Variants in PLEC observed in about 807,000 individuals in gnomAD.
PLEC encodes plectin.
Under a neutral mutation model 392.8 loss-of-function variants are expected in PLEC, and 216 were observed. That is an observed-to-expected ratio of 0.55 (90% CI 0.49 to 0.62). PLEC has a LOEUF of 0.62. PLEC is among the 20% of genes least tolerant of loss of function. PLEC has a pLI of 0.00. For missense variants in PLEC, 6,863 were observed against 6,563.4 expected, an observed-to-expected ratio of 1.05 and a Z score of -1.58; for synonymous variants, 3,621 against 2,980.6, an observed-to-expected ratio of 1.21 and a Z score of -7.00.
At chr8:143,953,034 C>A (rs1206574672), upstream of PLEC, among the ~76,000 whole-genome samples, 2 of 144,242 alleles carry the variant, frequency 1.4e-5, no homozygotes, top group Non-Finnish European at 3.0e-5. Context: ...AGCACACACC[C>A]CCCCCGAAGC....
rs782781870 is a variant in PLEC, at chr8:143,934,656, C to G, written c.1020G>C (p.Lys340Asn). ...TCACCTCCAGGGATTGGTAGATGCC[C>G]TTGGACCTGTTCTTGTCGGCCTCCT... is the stretch of plus-strand genomic sequence containing the variant. ...PAKEADKNRS[K>N]GIYQSLEGAV... Residue 340 changes from lysine to asparagine, a missense_variant, in exon 10 of 32, where the codon AAG becomes AAC. Coordinates refer to ENST00000345136, the MANE Select transcript of PLEC (RefSeq NM_201384.3). 20 of 1,613,166 alleles carry G rather than the reference C, an allele frequency of 1.2e-5. No homozygotes were observed. Among genetic ancestry groups the G allele is most frequent in the Non-Finnish European group, 1.4e-5 (16 of 1,179,966 alleles).
intron 1 of PLEC, among the ~76,000 whole-genome samples, chr8:143,946,899 C>G (rs1318697825): frequency 3.3e-5 from 5 of 152,052 alleles, no homozygotes; most frequent in African/African-American, 1.2e-4. Context: ...CTTCCTCCAC[C>G]TGAGTCCTCC....
At chr8:143,963,405 T>A (rs11783655) in intron 1 of PLEC, among the ~76,000 whole-genome samples, 45,862 of 152,190 alleles carry the variant, frequency 0.3, 8,126 homozygotes, top group Non-Finnish European at 0.4. Context: ...TTCACGGGCC[T>A]TGAAACCCCA....
chr8:143,930,251 C>A lies in PLEC; in HGVS notation c.2505G>T (p.Gln835His). The A allele has an allele frequency of 6.3e-7, 1 of 1,599,972 alleles. No homozygotes were observed. The change falls in exon 21 of 32, where the codon CAG (glutamine) becomes CAT (histidine). Residue 835 changes from glutamine (Q) to histidine (H), a missense_variant. Transcript: ENST00000345136. ...GDECQLVGPA[Q>H]PSHWKVLSSS... ...TGCTGAGCACCTTCCAGTGGGACGG[C>A]TGTGCAGGGCCCACCAGCTGGCACT... is the stretch of plus-strand genomic sequence containing the variant.
rs782574559 is a variant in PLEC at position 143,916,958 on chromosome 8, G to A, written c.12863C>T (p.Thr4288Met). Residue 4288 changes from threonine to methionine, a missense_variant, in exon 32 of 32, where the codon ACG becomes ATG. By Grantham distance (81) the Thr-to-Met change is moderately conservative. Coordinates refer to ENST00000345136, the MANE Select transcript of PLEC (RefSeq NM_201384.3). The part of the protein sequence containing the change: ...GPVAGILDTE[T>M]LEKVSITEAM... Reference sequence around the variant, plus strand: ...CTCGGTGATGGACACCTTCTCCAGCGTCTCCGTGTCCAGGATGCCAGCCAC... The same window carrying A: ...CTCGGTGATGGACACCTTCTCCAGCATCTCCGTGTCCAGGATGCCAGCCAC... 1.3e-4 allele frequency: 216 copies of A among 1,612,856 alleles called. No homozygotes were observed. The highest frequency in any genetic ancestry group is 1.7e-4 in the Non-Finnish European group (197 of 1,180,000).
Position 143,921,574 on chromosome 8 carries a change from G to C in PLEC, c.8247C>G (p.Thr2749=). The C allele has an allele frequency of 1.2e-6, 2 of 1,612,324 alleles. No homozygotes were observed. The highest frequency in any genetic ancestry group is 1.7e-4 in the Middle Eastern group (1 of 6,060). The change falls in exon 32 of 32, where the codon ACC becomes ACG. Residue 2749 remains threonine (T), a synonymous_variant. Coordinates refer to ENST00000345136, the MANE Select transcript of PLEC (RefSeq NM_201384.3). ...CACCCTCCTTCACAGCCTCGTTGACGGTCAGCCGCCGGTTCCGCACAGGGT... is the reference window on the plus strand; with the variant it reads ...CACCCTCCTTCACAGCCTCGTTGACCGTCAGCCGCCGGTTCCGCACAGGGT... ...LLDPVRNRRL[T]VNEAVKEGVV...
chr8:143,931,866 T>G, intron 18 of PLEC, 71 bp downstream of exon 18: 1 of 1,457,654 alleles, frequency 6.9e-7, no homozygotes, highest in South Asian at 1.2e-5. Flanking sequence ...TGATTGGAGC[T>G]GCCGAGGGGG....
chr8:143,918,128 A>G lies in PLEC; in HGVS notation c.11693T>C (p.Val3898Ala), dbSNP rs1554674076. ...GGCCTCGTCCATGACCTGCGAGCGC[A>G]CCAGCTCCTCCATGGTGATCTGCTT... Reference protein sequence around the residue: ...LRKQITMEELVRSQVMDEATA... With the variant: ...LRKQITMEELARSQVMDEATA... Residue 3898 changes from valine to alanine, a missense_variant, in exon 32 of 32, where the codon GTG becomes GCG. Transcript: ENST00000345136. The G allele has an allele frequency of 6.3e-7, 1 of 1,599,556 alleles. No individual in the cohort carries two copies. Among genetic ancestry groups the G allele is most frequent in the Admixed American group, 1.7e-5 (1 of 59,782 alleles).
Position 143,927,953 on chromosome 8 carries a change from C to A in PLEC, c.3300G>T (p.Gly1100=). The A allele has an allele frequency of 6.2e-7, 1 of 1,601,624 alleles. No homozygotes were observed. Among genetic ancestry groups the A allele is most frequent in the East Asian group, 2.3e-5 (1 of 44,434 alleles). The change falls in exon 26 of 32, where the codon GGG becomes GGT. Residue 1100 remains glycine (G), a synonymous_variant. Transcript: ENST00000345136. The part of the protein sequence containing the change: ...TISLVIRGTQ[G]AEEVLRAHEE... Reference sequence around the variant, plus strand: ...CGTGGGCCCTGAGCACCTCCTCGGCCCCCTGCGTGCCGCGGATCACCAGGC... The same window carrying A: ...CGTGGGCCCTGAGCACCTCCTCGGCACCCTGCGTGCCGCGGATCACCAGGC...
intron 1 of PLEC, among the ~76,000 whole-genome samples, chr8:143,946,922 G>A (rs1030011957): frequency 3.2e-4 from 48 of 152,144 alleles, no homozygotes; most frequent in African/African-American, 1.1e-3. Context: ...AACCAGCACA[G>A]CCCCAGGCAT....
chr8:143,923,686 G>A lies in PLEC; in HGVS notation c.6243C>T (p.Gly2081=), dbSNP rs782746363. The A allele has an allele frequency of 1.4e-4, 218 of 1,546,622 alleles. 1 individual carries two copies. The highest frequency in any genetic ancestry group is 3.5e-4 in the Middle Eastern group (2 of 5,780). Residue 2081 remains glycine, a synonymous_variant, in exon 31 of 32, where the codon GGC becomes GGT. Coordinates refer to ENST00000345136, the MANE Select transcript of PLEC (RefSeq NM_201384.3). ...QEQSVLDQLR[G]EAEAARRAAE... ...CCGCCCGCCGGGCCGCCTCCGCCTC[G>A]CCGCGCAGCTGGTCCAGCACGCTCT...
rs782288289 is a variant in PLEC at position 143,923,690 on chromosome 8, C to T, written c.6239G>A (p.Arg2080His). The change falls in exon 31 of 32, where the codon CGC becomes CAC. Residue 2080 changes from arginine to histidine, a missense_variant. Transcript: ENST00000345136. ...CCGCCGGGCCGCCTCCGCCTCGCCGCGCAGCTGGTCCAGCACGCTCTGCTC... is the reference window on the plus strand; with the variant it reads ...CCGCCGGGCCGCCTCCGCCTCGCCGTGCAGCTGGTCCAGCACGCTCTGCTC... ...QQEQSVLDQL[R>H]GEAEAARRAA... 3.5e-5 allele frequency: 54 copies of T among 1,546,188 alleles called. No individual in the cohort carries two copies. Among genetic ancestry groups the T allele is most frequent in the African/African-American group, 2.3e-4 (17 of 73,310 alleles).
Position 143,950,508 on chromosome 8 carries a change from A to T in PLEC, c.199T>A (p.Trp67Arg), listed in dbSNP as rs1356816792. The change falls in exon 1 of 32, where the codon TGG (tryptophan) becomes AGG (arginine). Residue 67 changes from tryptophan (W) to arginine (R), a missense_variant. Coordinates refer to the PLEC transcript ENST00000322810. ...GTGAGGTACCAGTAAAAGTGGCACC[A>T]GGCAAAGGTCTCGCGGACCAGGCCC... 2.5e-6 allele frequency: 4 copies of T among 1,608,410 alleles called. No homozygotes were observed. In the African/African-American group the frequency reaches 5.3e-5, roughly 21 times the overall value.
intron 1 of PLEC, among the ~76,000 whole-genome samples, chr8:143,948,478 A>G (rs1554733373): frequency 6.6e-6 from 1 of 152,064 alleles, no homozygotes; most frequent in Non-Finnish European, 1.5e-5. Flanking sequence ...GCCACACCCC[A>G]CATCCGAGCC....
rs1830014255 is a variant in PLEC at position 143,939,529 on chromosome 8, G to A, written c.-68C>T. 9.6e-6 allele frequency: 15 copies of A among 1,555,478 alleles called. No homozygotes were observed. The highest frequency in any genetic ancestry group is 1.3e-5 in the Non-Finnish European group (15 of 1,151,834). On this transcript the variant is annotated 5_prime_UTR_variant, in exon 1 of 32. Transcript: ENST00000345136. ...ACGGTGCTCTGGGCAGCCCCGTGTG[G>A]CACACAGGCAGCTGAAGGCTGGCGG...
At chr8:143,976,024 T>G (rs957490211), upstream of PLEC, among the ~76,000 whole-genome samples, 3 of 152,082 alleles carry the variant, frequency 2.0e-5, no homozygotes, top group African/African-American at 7.2e-5. Flanking sequence ...TCTCTCGACC[T>G]CTAGGACTCC....
rs199754839 is a variant in PLEC, at chr8:143,923,909, G to A, written c.6020C>T (p.Ala2007Val). ...EEEAARQRKA[A>V]LEEVERLKAK... is the part of the protein sequence containing the mutation. ...TTTCAGCCGCTCGACTTCCTCCAGCGCCGCCTTCCGCTGCCGTGCGGCCTC... is the reference window on the plus strand; with the variant it reads ...TTTCAGCCGCTCGACTTCCTCCAGCACCGCCTTCCGCTGCCGTGCGGCCTC... Residue 2007 changes from alanine (A) to valine (V), a missense_variant, in exon 31 of 32, where the codon GCG becomes GTG. Transcript: ENST00000345136. 37 of 1,594,540 alleles carry A rather than the reference G, an allele frequency of 2.3e-5. No homozygotes were observed. The highest frequency in any genetic ancestry group is 1.5e-4 in the African/African-American group (11 of 74,772).
At chr8:143,942,134 ACAGCCGGGGGTGGGC>A (rs1554729064), upstream of PLEC, among the ~76,000 whole-genome samples, 3 of 151,538 alleles carry the variant, frequency 2.0e-5, no homozygotes, top group African/African-American at 4.8e-5. Flanking sequence ...CTGACGTGGA[ACAGCCGGGGGTGGGC>A]CAGCCCCGCC....
chr8:143,939,476 T>C lies in PLEC; in HGVS notation c.-15A>G. ...TGCTGAGACATGCTGCCCCCACACC[T>C]TCGTCGCCCGGACCCTCGGCCTCAG... On this transcript the variant is annotated 5_prime_UTR_variant, in exon 1 of 32. Coordinates refer to ENST00000345136, the MANE Select transcript of PLEC (RefSeq NM_201384.3). 2 of 1,606,284 alleles carry C rather than the reference T, an allele frequency of 1.2e-6. No individual in the cohort carries two copies. The highest frequency in any genetic ancestry group is 1.7e-6 in the Non-Finnish European group (2 of 1,177,404).
Sources: allele counts gnomAD v4.1 joint callset (sites outside exome capture counted in the v4.1 genomes callset), GRCh38; gene constraint gnomAD v4.1.1; transcripts MANE v1.5; gene names NCBI Gene and HGNC (gene_info 2026-07-23, HGNC 2026-07-21).